The following NPL variants were observed in gnomAD, a reference collection of about 807,000 sequenced individuals.
NPL encodes the protein N-acetylneuraminate lyase.
A neutral mutation model predicts 41.1 loss-of-function variants in NPL; 32 were observed. That is an observed-to-expected ratio of 0.78 (90% CI 0.59 to 1.05). The LOEUF (loss-of-function observed/expected upper bound fraction) is 1.05, where lower values mean the gene tolerates loss of function less well. Among genes scored for constraint, NPL ranks in the 50% least tolerant of loss-of-function variants. The pLI, the probability that NPL is intolerant of heterozygous loss-of-function variation, is 0.00. For synonymous variants in NPL, 128 were observed against 134.9 expected (o/e 0.95, Z 0.35); for missense variants, 321 against 378.4 (o/e 0.85, Z 1.26).
intron 3 of NPL, among the ~76,000 whole-genome samples, chr1:182,800,630 T>C (rs988959413): frequency 6.6e-6 from 1 of 151,702 alleles, no homozygotes; most frequent in Admixed American, 6.6e-5. Flanking sequence ...GGCAGGGATC[T>C]GAAATGCCTG....
chr1:182,805,564 T>A (rs570173667), intron 4 of NPL, among the ~76,000 whole-genome samples: 56 of 152,338 alleles, frequency 3.7e-4, no homozygotes, highest in Middle Eastern at 6.8e-3. Flanking sequence ...TATCTGTAAA[T>A]GAGAAAAATA....
intron 6 of NPL, among the ~76,000 whole-genome samples, chr1:182,814,406 T>TA (rs1160966520): frequency 5.3e-5 from 8 of 152,228 alleles, no homozygotes; most frequent in African/African-American, 1.9e-4. Flanking sequence ...AATTTTACAA[T>TA]ATGACTGTCT....
chr1:182,790,995 C>T lies in NPL; in HGVS notation c.-72+1190C>T, dbSNP rs2877948. Among the ~76,000 whole-genome samples the T allele has an allele frequency of 5.1e-3, 772 of 152,252 alleles. 7 individuals are homozygous for T. The highest frequency in any genetic ancestry group is 0.018 in the African/African-American group (734 of 41,544). Reference sequence around the variant, plus strand: ...GTAGGCGTTTCAAAGTTTGCAAAGGCAGCAAACTTTTACGTAGTGTAGTTA... The same window carrying T: ...GTAGGCGTTTCAAAGTTTGCAAAGGTAGCAAACTTTTACGTAGTGTAGTTA... On this transcript the variant is annotated intron_variant, in intron 1 of 12. Transcript: ENST00000367553.
At chr1:182,792,525 A>G (rs1666543970) in intron 2 of NPL, among the ~76,000 whole-genome samples, 1 of 152,088 alleles carries the variant, frequency 6.6e-6, no homozygotes, top group South Asian at 2.1e-4. Context: ...TCAGAGGCTA[A>G]GTGGCCTGCT....
chr1:182,822,277 A>C, intron 11 of NPL, 78 bp downstream of exon 11: 1 of 922,420 alleles, frequency 1.1e-6, no homozygotes, highest in Non-Finnish European at 1.8e-6. Flanking sequence ...TCTCTCTACC[A>C]TGCCTGCCCT....
chr1:182,820,661 C>A (rs1287822940), intron 10 of NPL, among the ~76,000 whole-genome samples: 2 of 152,190 alleles, frequency 1.3e-5, no homozygotes, highest in Non-Finnish European at 2.9e-5. Context: ...GCACATCTTA[C>A]ATGGCCAGAG....
At chr1:182,826,033 A>G (rs555908920) in intron 12 of NPL, 1 of 611,236 alleles carries the variant, frequency 1.6e-6, no homozygotes, top group East Asian at 2.8e-5. Flanking sequence ...ATTTTAGCAC[A>G]TGCCTACCCC....
chr1:182,803,680 T>C lies in NPL; in HGVS notation c.69-18T>C. Reference sequence around the variant, plus strand: ...CTGAAAAAGACTAAATATGCCTTTTTTTCCACATGTCTTCTAGAGAAATCA... The same window carrying C: ...CTGAAAAAGACTAAATATGCCTTTTCTTCCACATGTCTTCTAGAGAAATCA... On this transcript the variant is annotated intron_variant, in intron 3 of 12. Transcript: ENST00000367553. The C allele has an allele frequency of 6.3e-7, 1 of 1,577,712 alleles. No individual in the cohort carries two copies. The highest frequency in any genetic ancestry group is 8.7e-7 in the Non-Finnish European group (1 of 1,146,820).
Sources: gnomAD v4.1 joint callset for allele counts (sites outside exome capture counted in the v4.1 genomes callset) on GRCh38, gnomAD v4.1.1 for gene constraint, MANE v1.5 for transcripts, NCBI Gene and HGNC (gene_info 2026-07-23, HGNC 2026-07-21) for gene names.